Variants in ZNF701 observed in about 807,000 individuals in gnomAD.
ZNF701 encodes the protein zinc finger protein 701.
A neutral mutation model predicts 7.1 loss-of-function variants in ZNF701; 6 were observed. The ratio of observed to expected loss-of-function variants is 0.84; its 90% CI spans 0.46 to 1.66. The LOEUF (loss-of-function observed/expected upper bound fraction) is 1.66. ZNF701 is among the 40% of genes most tolerant of loss of function. The pLI is 0.01. For missense variants in ZNF701, 541 were observed against 559.2 expected (o/e 0.97, Z 0.33); for synonymous variants, 166 against 188.2 (o/e 0.88, Z 0.97).
intron 3 of ZNF701, among the ~76,000 whole-genome samples, chr19:52,580,096 C>T (rs2059965573): frequency 7.1e-6 from 1 of 141,496 alleles, no homozygotes; most frequent in Non-Finnish European, 1.5e-5. Context: ...CGCCTGCCAC[C>T]ACACCCGGCT....
intron 1 of ZNF701, among the ~76,000 whole-genome samples, chr19:52,571,325 G>A (rs1481414332): frequency 1.3e-5 from 2 of 151,986 alleles, no homozygotes; most frequent in African/African-American, 4.8e-5. Flanking sequence ...GAGAACCACA[G>A]CAGGGAGGAC....
chr19:52,597,290 A>G, the ZNF701 span: 1 of 545,098 alleles, frequency 1.8e-6, no homozygotes, highest in East Asian at 4.9e-5. Context: ...TCTTGACTTC[A>G]CGTTCACACC....
chr19:52,573,993 G>A, intron 1 of ZNF701, 84 bp from the exon 2 acceptor site: 1 of 1,403,616 alleles, frequency 7.1e-7, no homozygotes, highest in South Asian at 1.2e-5. Context: ...TTTTCAGAGT[G>A]AGGGCACCTT....
chr19:52,571,649 C>T (rs140827319), intron 1 of ZNF701, among the ~76,000 whole-genome samples: 1,946 of 152,096 alleles, frequency 0.013, 36 homozygotes, highest in African/African-American at 0.043. Flanking sequence ...CGTGAGCCAC[C>T]GCACCTGGCC....
chr19:52,595,193 A>G, the ZNF701 span, among the ~76,000 whole-genome samples: 1 of 151,954 alleles, frequency 6.6e-6, no homozygotes, highest in Non-Finnish European at 1.5e-5. Flanking sequence ...AACTTTGAAG[A>G]TCACTTTTGG....
At chr19:52,591,921 T>C (rs1393084336), downstream of ZNF701, 3 of 366,406 alleles carry the variant, frequency 8.2e-6, no homozygotes, top group Non-Finnish European at 1.5e-5. Context: ...TTAAAATCTA[T>C]CAAGGAAAAG....
At chr19:52,593,282 A>G in the ZNF701 span, among the ~76,000 whole-genome samples, 2 of 117,908 alleles carry the variant, frequency 1.7e-5, 1 homozygote, top group Non-Finnish European at 3.7e-5. Context: ...CCCGTTCTCA[A>G]TGAGCTGTTG....
chr19:52,587,666 C>T (rs541889976), downstream of ZNF701, among the ~76,000 whole-genome samples: 9 of 152,328 alleles, frequency 5.9e-5, no homozygotes, highest in East Asian at 1.2e-3. Context: ...AGTCCGTAAG[C>T]GGAGAGCAGA....
intron 3 of ZNF701, among the ~76,000 whole-genome samples, chr19:52,577,017 C>T (rs1406604359): frequency 1.3e-5 from 2 of 152,184 alleles, no homozygotes; most frequent in Non-Finnish European, 2.9e-5. Context: ...TGGGAGAATT[C>T]TGTTGGAAAA....
Position 52,574,115 on chromosome 19 carries a change from CGGAAGA to C in ZNF701, c.-22_-17del, listed in dbSNP as rs777034349. On this transcript the variant is annotated 5_prime_UTR_variant, in exon 2 of 4. Transcript: ENST00000391785. Reference sequence around the variant, plus strand: ...AGACTTGGTACGTGAGGAAAAAACACGGAAGAGGAAGAGGAAAGCAAAGGAGTCAGG... The same window carrying C: ...AGACTTGGTACGTGAGGAAAAAACACGGAAGAGGAAAGCAAAGGAGTCAGG... 12 of 1,611,956 alleles carry C rather than the reference CGGAAGA, an allele frequency of 7.4e-6. No individual in the cohort carries two copies. The highest frequency in any genetic ancestry group is 3.3e-4 in the Middle Eastern group (2 of 6,078).
the ZNF701 span, chr19:52,597,571 G>A: frequency 1.4e-5 from 5 of 364,368 alleles, 1 homozygote; most frequent in South Asian, 1.1e-4. Flanking sequence ...GCCAGGTGGG[G>A]TGGCTCATGC....
At chr19:52,595,819 A>G in the ZNF701 span, 1 of 1,610,138 alleles carries the variant, frequency 6.2e-7, no homozygotes. Flanking sequence ...CCATGACAGA[A>G]ACCAAAGAGT....
At chr19:52,571,273 G>T (rs1490679640) in intron 1 of ZNF701, among the ~76,000 whole-genome samples, 1 of 151,872 alleles carries the variant, frequency 6.6e-6, no homozygotes, top group East Asian at 1.9e-4. Context: ...TGGAGCCAGG[G>T]CAGACAGAGC....
At chr19:52,575,070 C>G (rs531704678) in intron 2 of ZNF701, among the ~76,000 whole-genome samples, 1 of 152,232 alleles carries the variant, frequency 6.6e-6, no homozygotes, top group Non-Finnish European at 1.5e-5. Flanking sequence ...CCCAGGTTTA[C>G]ACCATTCTCC....
chr19:52,596,868 C>T, the ZNF701 span: 2 of 551,320 alleles, frequency 3.6e-6, no homozygotes, highest in Admixed American at 3.9e-5. Flanking sequence ...GGTTTCTAAT[C>T]AACAATCAAA....
rs370144367 is a variant in ZNF701, at chr19:52,583,404, C to T, written c.1345C>T (p.Arg449Ter). 79 of 1,613,216 alleles carry T rather than the reference C, an allele frequency of 4.9e-5. No individual in the cohort carries two copies. Among genetic ancestry groups the T allele is most frequent in the East Asian group, 3.8e-4 (17 of 44,830 alleles). ...TAATGAATGTGGCAAGGTTTTTAAT[C>T]GAAAATCAAACCTTGAACGTCATCA... ...KCNECGKVFN[R>*]KSNLERHHRL... Residue 449 changes from arginine to a stop codon, truncating the protein, a stop_gained, in exon 4 of 4, where the codon CGA becomes TGA. Coordinates refer to ENST00000391785, the MANE Select transcript of ZNF701 (RefSeq NM_018260.3). LOFTEE classifies it low-confidence loss of function (END_TRUNC).
At chr19:52,597,700 A>G in the ZNF701 span, 2 of 255,628 alleles carry the variant, frequency 7.8e-6, no homozygotes, top group Non-Finnish European at 1.5e-5. Context: ...CCTTGAACAG[A>G]ATCTGGGCGG....
At chr19:52,591,616 G>T (rs1294705870), downstream of ZNF701, among the ~76,000 whole-genome samples, 1 of 152,084 alleles carries the variant, frequency 6.6e-6, no homozygotes, top group African/African-American at 2.4e-5. Flanking sequence ...AGCCTCCCAA[G>T]TACCTGGGAT....
chr19:52,582,838 G>A lies in ZNF701; in HGVS notation c.779G>A (p.Cys260Tyr). The A allele has an allele frequency of 1.2e-6, 2 of 1,614,176 alleles. No individual in the cohort carries two copies. Among genetic ancestry groups the A allele is most frequent in the Non-Finnish European group, 1.7e-6 (2 of 1,180,030 alleles). Residue 260 changes from cysteine (C) to tyrosine (Y), a missense_variant, in exon 4 of 4, where the codon TGC (cysteine) becomes TAC (tyrosine). Transcript: ENST00000391785. ...TTTCATCAGAAGCGATACCTTGCATGCCATAGATGTCACACTGGTGAGAAT... is the reference window on the plus strand; with the variant it reads ...TTTCATCAGAAGCGATACCTTGCATACCATAGATGTCACACTGGTGAGAAT... Reference protein sequence around the residue: ...KDFHQKRYLACHRCHTGENPY... With the variant: ...KDFHQKRYLAYHRCHTGENPY...
Sources: gnomAD v4.1 joint callset for allele counts (sites outside exome capture counted in the v4.1 genomes callset) on GRCh38, gnomAD v4.1.1 for gene constraint, MANE v1.5 for transcripts, NCBI Gene and HGNC (gene_info 2026-07-23, HGNC 2026-07-21) for gene names.